The following VPS41 variants were observed in gnomAD, a reference collection of about 807,000 sequenced individuals.
VPS41 encodes the protein vacuolar protein sorting-associated protein 41 homolog.
A neutral mutation model predicts 130.9 loss-of-function variants in VPS41; 85 were observed. The ratio of observed to expected loss-of-function variants is 0.65; its 90% confidence interval spans 0.55 to 0.78. The LOEUF (loss-of-function observed/expected upper bound fraction) is 0.78. VPS41 is among the 30% of genes least tolerant of loss of function. The pLI is 0.00. For synonymous variants in VPS41, 335 were observed against 332.9 expected (o/e 1.01, Z -0.07); for missense variants, 874 against 1,018.7 (o/e 0.86, Z 1.93).
chr7:38,800,734 G>A (rs1260041280), intron 7 of VPS41, among the ~76,000 whole-genome samples: 1 of 152,146 alleles, frequency 6.6e-6, no homozygotes, highest in Non-Finnish European at 1.5e-5. Context: ...TACTCCAGGG[G>A]GTGAGGCAGG....
chr7:38,834,466 T>C (rs903049932), intron 4 of VPS41, among the ~76,000 whole-genome samples: 1 of 152,050 alleles, frequency 6.6e-6, no homozygotes, highest in Non-Finnish European at 1.5e-5. Context: ...CCAGAGTGTG[T>C]AGGGGGAGCA....
chr7:38,849,918 C>G (rs552742038), intron 4 of VPS41, among the ~76,000 whole-genome samples: 3 of 131,988 alleles, frequency 2.3e-5, no homozygotes, highest in South Asian at 4.7e-4. Context: ...TCCTTGCCCC[C>G]CTTCCATATC....
chr7:38,906,240 A>C (rs1787258513), intron 1 of VPS41, among the ~76,000 whole-genome samples: 1 of 152,214 alleles, frequency 6.6e-6, no homozygotes, highest in Non-Finnish European at 1.5e-5. Flanking sequence ...TCTATAAAGG[A>C]TAAGATTAGG....
chr7:38,831,036 C>A (rs1236916456), intron 4 of VPS41, among the ~76,000 whole-genome samples: 1 of 152,174 alleles, frequency 6.6e-6, no homozygotes, highest in Non-Finnish European at 1.5e-5. Context: ...AGCACCTAGG[C>A]CAGCATGTCT....
chr7:38,879,723 G>T (rs1786562087), intron 2 of VPS41, among the ~76,000 whole-genome samples: 1 of 152,114 alleles, frequency 6.6e-6, no homozygotes, highest in South Asian at 2.1e-4. Context: ...GTTCATGCTT[G>T]TATGAGAATC....
chr7:38,881,387 T>C (rs570712450), intron 2 of VPS41, among the ~76,000 whole-genome samples: 6 of 152,206 alleles, frequency 3.9e-5, no homozygotes, highest in Non-Finnish European at 7.4e-5. Flanking sequence ...ACTGGCCCTG[T>C]CCAGATAATC....
At chr7:38,731,588 C>G (rs1028099310) in intron 25 of VPS41, among the ~76,000 whole-genome samples, 1 of 152,086 alleles carries the variant, frequency 6.6e-6, no homozygotes, top group African/African-American at 2.4e-5. Flanking sequence ...CCTATCTTCG[C>G]AACCACAGAC....
At chr7:38,866,894 A>G (rs1251330784) in intron 3 of VPS41, among the ~76,000 whole-genome samples, 1 of 152,214 alleles carries the variant, frequency 6.6e-6, no homozygotes, top group Non-Finnish European at 1.5e-5. Context: ...TGAGATCCAG[A>G]ATTTAGAATC....
At chr7:38,898,516 C>A (rs529914304) in intron 1 of VPS41, among the ~76,000 whole-genome samples, 2 of 152,326 alleles carry the variant, frequency 1.3e-5, no homozygotes, top group South Asian at 4.1e-4. Context: ...CTGAAAAGTT[C>A]TTGTGCTATT....
At chr7:38,759,132 C>G (rs1562575197) in intron 17 of VPS41, among the ~76,000 whole-genome samples, 1 of 152,178 alleles carries the variant, frequency 6.6e-6, no homozygotes, top group Non-Finnish European at 1.5e-5. Context: ...GTTGACCAGT[C>G]GGAAGTACAG....
In VPS41 at chr7:38,817,724, T is replaced by C. The variant is rs866168328; in HGVS notation, c.450+93A>G. On this transcript the variant is annotated intron_variant, in intron 7 of 28. Coordinates refer to ENST00000310301, the MANE Select transcript of VPS41 (RefSeq NM_014396.4). ...TCTTTCTCGAATTTCTCCTAATGAA[T>C]AGCCAGACATAAAAACATTAAGGAT... 23 of 1,036,010 alleles carry C rather than the reference T, an allele frequency of 2.2e-5. No individual in the cohort carries two copies. The African/African-American group carries it at 2.7e-4, about 12-fold the overall frequency. The allele number at this position is 1,036,010 out of a possible 1,614,324, so 64.2% of individuals were successfully genotyped here. A position where few individuals can be genotyped will look rare whatever the true frequency, so the allele number is the denominator to read the frequency against.
chr7:38,761,627 C>T lies in VPS41; in HGVS notation c.1422+1828G>A, dbSNP rs1299621207. On this transcript the variant is annotated intron_variant, in intron 17 of 28. Transcript: ENST00000310301. ...CTTTTTGTGAGAAAGGGTCCCACTC[C>T]GTCACCTAAGCTGGAGTGCAGTAGC... 3.3e-5 allele frequency among the ~76,000 whole-genome samples: 5 copies of T among 151,562 alleles called. No homozygotes were observed. In the East Asian group the frequency reaches 5.8e-4, roughly 18 times the overall value.
Position 38,789,757 on chromosome 7 carries a change from G to A in VPS41, c.784+44C>T, listed in dbSNP as rs778184980. 4 of 1,603,700 alleles carry A rather than the reference G, an allele frequency of 2.5e-6. No individual in the cohort carries two copies. The South Asian group carries it at 4.4e-5, about 18-fold the overall frequency. ...TGAGATTAATGAAGACGAAAATTTT[G>A]AATGAAGTTTTACATCCACAGAAGG... On this transcript the variant is annotated intron_variant, in intron 10 of 28. Coordinates refer to ENST00000310301, the MANE Select transcript of VPS41 (RefSeq NM_014396.4).
At chr7:38,793,144 A>G (rs923678798) in intron 9 of VPS41, among the ~76,000 whole-genome samples, 1 of 152,202 alleles carries the variant, frequency 6.6e-6, no homozygotes, top group African/African-American at 2.4e-5. Flanking sequence ...TCAACATGCT[A>G]TACTTACTTG....
In VPS41 at chr7:38,845,900, C is replaced by T. The variant is rs768205661; in HGVS notation, c.247-15572G>A. The stretch of plus-strand genomic sequence containing the variant: ...CTGAAATGAAAGACAACTAAATTTT[C>T]AAAATGGTGACACATAATGTGTGAA... On this transcript the variant is annotated intron_variant, in intron 4 of 28. Transcript: ENST00000310301. 1.2e-4 allele frequency among the ~76,000 whole-genome samples: 19 copies of T among 152,234 alleles called. No individual in the cohort carries two copies. The East Asian group carries it at 3.1e-3, about 25-fold the overall frequency.
intron 5 of VPS41, among the ~76,000 whole-genome samples, chr7:38,824,467 T>A (rs1785232138): frequency 1.3e-5 from 2 of 152,224 alleles, no homozygotes; most frequent in African/African-American, 4.8e-5. Context: ...CCTGTTGAAC[T>A]GATGATTCTA....
At chr7:38,737,124 C>G (rs983231666) in intron 25 of VPS41, among the ~76,000 whole-genome samples, 1 of 152,130 alleles carries the variant, frequency 6.6e-6, no homozygotes, top group Non-Finnish European at 1.5e-5. Flanking sequence ...ACCTGCCATG[C>G]CAGCACTTTG....
intron 5 of VPS41, among the ~76,000 whole-genome samples, chr7:38,821,495 G>A (rs1785170279): frequency 6.6e-6 from 1 of 152,098 alleles, no homozygotes; most frequent in South Asian, 2.1e-4. Flanking sequence ...GATCACCTAA[G>A]GTCAGGAGTT....
intron 21 of VPS41, among the ~76,000 whole-genome samples, chr7:38,753,079 G>A (rs1331310580): frequency 6.6e-6 from 1 of 152,084 alleles, no homozygotes; most frequent in African/African-American, 2.4e-5. Context: ...TATCAATACA[G>A]TACTCAGAAG....
Sources: allele counts gnomAD v4.1 joint callset (sites outside exome capture counted in the v4.1 genomes callset), GRCh38; gene constraint gnomAD v4.1.1; transcripts MANE v1.5; gene names NCBI Gene and HGNC (gene_info 2026-07-23, HGNC 2026-07-21).